The following ZBTB44 variants were observed in gnomAD, a reference collection of about 807,000 sequenced individuals.
The protein encoded by ZBTB44 is zinc finger and BTB domain-containing protein 44.
Under a neutral mutation model 54.0 loss-of-function variants are expected in ZBTB44, and 15 were observed. The observed-to-expected ratio is 0.28, with a 90% CI of 0.19 to 0.43. The LOEUF is 0.43. Among genes scored for constraint, ZBTB44 ranks in the 20% least tolerant of loss-of-function variants. ZBTB44 has a pLI of 1.00. For missense variants in ZBTB44, 487 were observed against 707.1 expected (o/e 0.69, Z 3.53); for synonymous variants, 230 against 250.1 (o/e 0.92, Z 0.76).
At chr11:130,311,916 C>T (rs1399922903) in intron 1 of ZBTB44, among the ~76,000 whole-genome samples, 1 of 152,060 alleles carries the variant, frequency 6.6e-6, no homozygotes, top group Admixed American at 6.5e-5. Flanking sequence ...CTGACCAAAT[C>T]TGGGACAATT....
intron 1 of ZBTB44, among the ~76,000 whole-genome samples, chr11:130,292,582 C>T (rs530507051): frequency 7.4e-4 from 112 of 152,198 alleles, no homozygotes; most frequent in Non-Finnish European, 1.3e-3. Context: ...TCTTGATTTA[C>T]GGTGCTTATT....
intron 7 of ZBTB44, 134 bp downstream of exon 7, chr11:130,233,174 A>ATATT (rs1438195533): frequency 1.7e-6 from 2 of 1,195,374 alleles, no homozygotes; most frequent in African/African-American, 1.5e-5. Flanking sequence ...GCAAGAGAAC[A>ATATT]TATTGATGGG....
chr11:130,309,194 C>T (rs1942444901), intron 1 of ZBTB44, among the ~76,000 whole-genome samples: 1 of 152,196 alleles, frequency 6.6e-6, no homozygotes, highest in Non-Finnish European at 1.5e-5. Flanking sequence ...GCTGATCTGC[C>T]CGTTGCACCC....
chr11:130,239,722 A>T, intron 3 of ZBTB44, 90 bp downstream of exon 3: 1 of 1,046,144 alleles, frequency 9.6e-7, no homozygotes, highest in Non-Finnish European at 1.4e-6. Context: ...AGGTTGTAAT[A>T]AACTTCTACA....
At chr11:130,236,580 T>C (rs1171593332) in intron 5 of ZBTB44, 3 of 439,346 alleles carry the variant, frequency 6.8e-6, no homozygotes, top group Non-Finnish European at 7.5e-6. Flanking sequence ...ATATTTTTAA[T>C]ACCAACTATA....
At chr11:130,257,968 G>A (rs1018943671) in intron 2 of ZBTB44, among the ~76,000 whole-genome samples, 1 of 152,104 alleles carries the variant, frequency 6.6e-6, no homozygotes, top group Non-Finnish European at 1.5e-5. Flanking sequence ...GACACTGCTT[G>A]ATCATCATCC....
At chr11:130,238,808 T>A in intron 3 of ZBTB44, 4 of 555,386 alleles carry the variant, frequency 7.2e-6, no homozygotes, top group African/African-American at 1.9e-5. Context: ...TTTTTTTTAT[T>A]TTTTGAGACG....
chr11:130,285,178 C>CTCTT (rs1940860785), intron 1 of ZBTB44: 1 of 169,028 alleles, frequency 5.9e-6, no homozygotes, highest in Non-Finnish European at 1.4e-5. Flanking sequence ...CCTCACTAGT[C>CTCTT]TCTTTACTAA....
At chr11:130,256,868 A>G (rs1938483636) in intron 2 of ZBTB44, among the ~76,000 whole-genome samples, 1 of 152,070 alleles carries the variant, frequency 6.6e-6, no homozygotes, top group African/African-American at 2.4e-5. Context: ...CACCACCCCT[A>G]TTCAACACAG....
chr11:130,266,343 A>G (rs1939248289), intron 1 of ZBTB44, among the ~76,000 whole-genome samples: 1 of 152,206 alleles, frequency 6.6e-6, no homozygotes, highest in African/African-American at 2.4e-5. Context: ...CCAACAGTGC[A>G]TCTGGTCATC....
chr11:130,304,489 A>T (rs976582396), intron 1 of ZBTB44, among the ~76,000 whole-genome samples: 1 of 152,194 alleles, frequency 6.6e-6, no homozygotes, highest in Non-Finnish European at 1.5e-5. Context: ...TTCAGTGATA[A>T]AAGACTAGGA....
intron 1 of ZBTB44, among the ~76,000 whole-genome samples, chr11:130,277,961 TAAG>T (rs1482034724): frequency 1.2e-4 from 18 of 152,330 alleles, no homozygotes; most frequent in Admixed American, 1.0e-3. Context: ...TCCACTGCTA[TAAG>T]AAGTCAGCCA....
At chr11:130,307,749 C>T (rs1565341445) in intron 1 of ZBTB44, among the ~76,000 whole-genome samples, 1 of 152,154 alleles carries the variant, frequency 6.6e-6, no homozygotes, top group Non-Finnish European at 1.5e-5. Context: ...GGAGGAATCA[C>T]ATTACCTGAC....
chr11:130,308,667 C>G (rs1942408719), intron 1 of ZBTB44, among the ~76,000 whole-genome samples: 1 of 152,226 alleles, frequency 6.6e-6, no homozygotes, highest in Non-Finnish European at 1.5e-5. Flanking sequence ...CAGGTTCTAG[C>G]TGCTACATGG....
intron 1 of ZBTB44, among the ~76,000 whole-genome samples, chr11:130,276,917 T>C (rs1940144181): frequency 6.6e-6 from 1 of 152,234 alleles, no homozygotes. Flanking sequence ...GTAACACTTT[T>C]TGTTATAAAG....
chr11:130,228,954 A>G lies in ZBTB44; in HGVS notation c.*2810T>C, dbSNP rs1168457884. 1.3e-5 allele frequency: 2 copies of G among 152,212 alleles called. No homozygotes were observed. The highest frequency in any genetic ancestry group is 4.8e-5 in the African/African-American group (2 of 41,446). 9.4% of individuals were successfully genotyped at this position (152,212 alleles called of 1,614,324 possible). On this transcript the variant is annotated 3_prime_UTR_variant, in exon 8 of 8. Coordinates refer to ENST00000357899, the MANE Select transcript of ZBTB44 (RefSeq NM_001301098.2). Reference sequence around the variant, plus strand: ...ACTTTGAACAAAAACTAAAAATTTTAAAGTTAAAAAAAGTTTTGTTTTTAA... The same window carrying G: ...ACTTTGAACAAAAACTAAAAATTTTGAAGTTAAAAAAAGTTTTGTTTTTAA...
At chr11:130,300,415 A>G (rs1430239185) in intron 1 of ZBTB44, among the ~76,000 whole-genome samples, 1 of 152,220 alleles carries the variant, frequency 6.6e-6, no homozygotes, top group Non-Finnish European at 1.5e-5. Context: ...AAATAAATAG[A>G]CAAAACAAAG....
At chr11:130,300,946 G>C (rs1055804402) in intron 1 of ZBTB44, among the ~76,000 whole-genome samples, 5 of 152,044 alleles carry the variant, frequency 3.3e-5, no homozygotes, top group Admixed American at 2.0e-4. Flanking sequence ...TTTACAGAAT[G>C]GACAAGCTAG....
intron 1 of ZBTB44, among the ~76,000 whole-genome samples, chr11:130,295,049 G>C (rs1207620884): frequency 6.6e-6 from 1 of 151,970 alleles, no homozygotes; most frequent in Non-Finnish European, 1.5e-5. Flanking sequence ...GTGTGACGTC[G>C]TGATCTAGGC....
Sources: gnomAD v4.1 joint callset for allele counts (sites outside exome capture counted in the v4.1 genomes callset) on GRCh38, gnomAD v4.1.1 for gene constraint, MANE v1.5 for transcripts, NCBI Gene and HGNC (gene_info 2026-07-23, HGNC 2026-07-21) for gene names.